Variants in ZNF706 observed in about 807,000 individuals in gnomAD.
ZNF706 encodes zinc finger protein 706.
Under a neutral mutation model 9.2 loss-of-function variants are expected in ZNF706, and 4 were observed. The ratio of observed to expected loss-of-function variants is 0.43; its 90% CI spans 0.21 to 0.99. ZNF706 has a LOEUF of 0.99. ZNF706 is among the 50% of genes least tolerant of loss of function. The pLI, the probability that ZNF706 is intolerant of heterozygous loss-of-function variation, is 0.26. For synonymous variants in ZNF706, 28 were observed against 27.3 expected, an observed-to-expected ratio of 1.03 and a Z score of -0.08; for missense variants, 27 against 87.8, an observed-to-expected ratio of 0.31 and a Z score of 2.77.
intron 1 of ZNF706, chr8:101,203,114 C>CT (rs575807698): frequency 2.0e-5 from 3 of 152,106 alleles, no homozygotes; most frequent in Non-Finnish European, 1.5e-5. Context: ...TTTTACAAAG[C>CT]TGAAAGATAC....
At chr8:101,199,384 A>C in intron 3 of ZNF706, 145 bp from the exon 4 acceptor site, 1 of 569,772 alleles carries the variant, frequency 1.8e-6, no homozygotes, top group Non-Finnish European at 3.1e-6. Flanking sequence ...ACTCTGAAGA[A>C]TTTATTTTAA....
At chr8:101,204,005 C>T (rs183091931) in intron 1 of ZNF706, 3 of 152,306 alleles carry the variant, frequency 2.0e-5, no homozygotes, top group Admixed American at 2.0e-4. Context: ...CAATGTCTTA[C>T]TATCAGGACC....
rs1235731898 is a variant in ZNF706, at chr8:101,198,124, A to G, written c.*1128T>C. On this transcript the variant is annotated 3_prime_UTR_variant, in exon 4 of 4. Coordinates refer to ENST00000311212, the MANE Select transcript of ZNF706 (RefSeq NM_016096.5). ...TTACCATATCCATCTGAACAAACCC[A>G]TTTTCCCATCCTGAGATCTAAAAGA... The G allele has an allele frequency of 1.3e-5, 2 of 152,170 alleles. No homozygotes were observed. The highest frequency in any genetic ancestry group is 2.9e-5 in the Non-Finnish European group (2 of 68,020). The allele number at this position is 152,170 out of a possible 1,614,324, so 9.4% of individuals were successfully genotyped here. A position where few individuals can be genotyped will look rare whatever the true frequency, so the allele number is the denominator to read the frequency against.
intron 1 of ZNF706, among the ~76,000 whole-genome samples, chr8:101,202,103 T>C (rs1394941707): frequency 2.6e-5 from 4 of 151,938 alleles, no homozygotes; most frequent in Non-Finnish European, 1.5e-5. Flanking sequence ...ACAACTTGTA[T>C]ACATATTTTT....
rs775889671 is a variant in ZNF706, at chr8:101,201,695, T to C, written c.47A>G (p.Lys16Arg). 10 of 1,614,008 alleles carry C rather than the reference T, an allele frequency of 6.2e-6. No individual in the cohort carries two copies. The highest frequency in any genetic ancestry group is 8.5e-6 in the Non-Finnish European group (10 of 1,180,020). ...TTTCTTCTTTTGTCCAGCTTGCTTT[T>C]TGGCATTTTTCTGCTGAGACTGAAT... ...QKIQSQQKNA[K>R]KQAGQKKKQG... is the part of the protein sequence containing the mutation. The change falls in exon 2 of 4, where the codon AAA (lysine) becomes AGA (arginine). Residue 16 changes from lysine to arginine, a missense_variant. Coordinates refer to ENST00000311212, the MANE Select transcript of ZNF706 (RefSeq NM_016096.5). The surrounding 1 kb of genome is among the most constrained non-coding windows in gnomAD (Gnocchi z 4.5).
In ZNF706 at chr8:101,197,897, G is replaced by A. The variant is rs563560937; in HGVS notation, c.*1355C>T. The A allele has an allele frequency of 3.9e-5, 6 of 152,194 alleles. No homozygotes were observed. Among genetic ancestry groups the A allele is most frequent in the African/African-American group, 7.2e-5 (3 of 41,450 alleles). 9.4% of individuals were successfully genotyped at this position (152,194 alleles called of 1,614,324 possible). The stretch of plus-strand genomic sequence containing the variant: ...GAGCTACAAAACAAAGCAATGATAA[G>A]CTACAGCAGAAGAGGGAATGCATTC... On this transcript the variant is annotated 3_prime_UTR_variant, in exon 4 of 4. Transcript: ENST00000311212.
chr8:101,198,629 C>G lies in ZNF706; in HGVS notation c.*623G>C, dbSNP rs1192607628. On this transcript the variant is annotated 3_prime_UTR_variant, in exon 4 of 4. Coordinates refer to ENST00000311212, the MANE Select transcript of ZNF706 (RefSeq NM_016096.5). ...ACCTGACTGGCAGTTAGAGCCAGGTCATACTGCAATTTTAAATATTCCAAC... is the reference window on the plus strand; with the variant it reads ...ACCTGACTGGCAGTTAGAGCCAGGTGATACTGCAATTTTAAATATTCCAAC... The G allele has an allele frequency of 6.6e-6, 1 of 152,184 alleles. No homozygotes were observed. The highest frequency in any genetic ancestry group is 1.5e-5 in the Non-Finnish European group (1 of 68,042). The allele number at this position is 152,184 out of a possible 1,614,324, so 9.4% of individuals were successfully genotyped here.
Position 101,205,041 on chromosome 8 carries a change from C to T in ZNF706, c.-3+394G>A. The T allele has an allele frequency of 1.4e-6, 1 of 700,970 alleles. No individual in the cohort carries two copies. The highest frequency in any genetic ancestry group is 1.8e-6 in the Non-Finnish European group (1 of 570,256). The allele number at this position is 700,970 out of a possible 1,614,324, so 43.4% of individuals were successfully genotyped here. On this transcript the variant is annotated intron_variant, in intron 1 of 3. Transcript: ENST00000311212. The surrounding 1 kb of genome is among the most constrained non-coding windows in gnomAD (Gnocchi z 6.6). ...CCTCTCCCGCCTCGGAGACCCCCTCCTCCTCCCTGCCACCAAAGGCCACGC... is the reference window on the plus strand; with the variant it reads ...CCTCTCCCGCCTCGGAGACCCCCTCTTCCTCCCTGCCACCAAAGGCCACGC...
chr8:101,201,656 T>C lies in ZNF706; in HGVS notation c.86A>G (p.Gln29Arg). 6.2e-7 allele frequency: 1 copy of C among 1,613,140 alleles called. No homozygotes were observed. The highest frequency in any genetic ancestry group is 8.5e-7 in the Non-Finnish European group (1 of 1,180,014). Residue 29 changes from glutamine (Q) to arginine (R), a missense_variant, in exon 2 of 4, where the codon CAA becomes CGA. By Grantham distance (43) the Gln-to-Arg change is conservative. Transcript: ENST00000311212. The surrounding 1 kb of genome is among the most constrained non-coding windows in gnomAD (Gnocchi z 4.5). ...AGQKKKQGHD[Q>R]KAAAKAALIY... ...TAAGGCAGCTTTGGCAGCAGCCTTTTGGTCATGTCCTTGTTTCTTCTTTTG... is the reference window on the plus strand; with the variant it reads ...TAAGGCAGCTTTGGCAGCAGCCTTTCGGTCATGTCCTTGTTTCTTCTTTTG...
chr8:101,199,280 G>A (rs1444823160), intron 3 of ZNF706, 41 bp from the exon 4 acceptor site: 1 of 699,070 alleles, frequency 1.4e-6, no homozygotes, highest in South Asian at 1.5e-5. Context: ...TGTTACCATT[G>A]CACAAATGCA....
rs1810427262 is a variant in ZNF706 at position 101,198,075 on chromosome 8, T to C, written c.*1177A>G. The C allele has an allele frequency of 6.6e-6, 1 of 152,218 alleles. No individual in the cohort carries two copies. Among genetic ancestry groups the C allele is most frequent in the Non-Finnish European group, 1.5e-5 (1 of 68,018 alleles). The allele number at this position is 152,218 out of a possible 1,614,324, so 9.4% of individuals were successfully genotyped here. Reference sequence around the variant, plus strand: ...AAGCAAATTAGAAGAACTCTAAAATTAGCCTTCCTTAATTGGGTAAGATTT... The same window carrying C: ...AAGCAAATTAGAAGAACTCTAAAATCAGCCTTCCTTAATTGGGTAAGATTT... On this transcript the variant is annotated 3_prime_UTR_variant, in exon 4 of 4. Coordinates refer to ENST00000311212, the MANE Select transcript of ZNF706 (RefSeq NM_016096.5).
At position 101,201,910 on chromosome 8, in the gene ZNF706, A is replaced by C. The variant is rs538624541; in HGVS notation, c.-2-167T>G. On this transcript the variant is annotated intron_variant, in intron 1 of 3. Coordinates refer to ENST00000311212, the MANE Select transcript of ZNF706 (RefSeq NM_016096.5). This position sits in a 1 kb window ranked among gnomAD's most constrained non-coding sequence, Gnocchi z 4.5. Reference sequence around the variant, plus strand: ...ACATATAAATGCTACAAAAGTATCAATTGACACAACCCTGTGGAAAACTAG... The same window carrying C: ...ACATATAAATGCTACAAAAGTATCACTTGACACAACCCTGTGGAAAACTAG... Among the ~76,000 whole-genome samples the C allele has an allele frequency of 6.6e-6, 1 of 152,324 alleles. No homozygotes were observed. The highest frequency in any genetic ancestry group is 1.9e-4 in the East Asian group (1 of 5,188).
rs1457356697 is a variant in ZNF706, at chr8:101,198,421, G to A, written c.*831C>T. On this transcript the variant is annotated 3_prime_UTR_variant, in exon 4 of 4. Transcript: ENST00000311212. ...TCAATTTCAAATTAAAGAACTTCAA[G>A]AATTTTCAAAGAATATAGTATCAAG... 1 of 152,092 alleles carries A rather than the reference G, an allele frequency of 6.6e-6. No homozygotes were observed. The highest frequency in any genetic ancestry group is 1.5e-5 in the Non-Finnish European group (1 of 67,992). 9.4% of individuals were successfully genotyped at this position (152,092 alleles called of 1,614,324 possible).
chr8:101,203,907 C>G (rs1186209341), intron 1 of ZNF706: 6 of 152,114 alleles, frequency 3.9e-5, no homozygotes, highest in Admixed American at 1.3e-4. Flanking sequence ...CCCATGGAAA[C>G]AGGTTTGGAT....
intron 1 of ZNF706, chr8:101,204,809 A>G (rs566099166): frequency 1.0e-6 from 1 of 985,460 alleles, no homozygotes; most frequent in Admixed American, 6.1e-5. Flanking sequence ...TGAGTAACAG[A>G]AGAAAAGGAT....
chr8:101,200,562 A>G (rs936924392), intron 2 of ZNF706, among the ~76,000 whole-genome samples: 1 of 152,192 alleles, frequency 6.6e-6, no homozygotes, highest in Non-Finnish European at 1.5e-5. Context: ...AGAACCTTCA[A>G]TTATTTATTC....
upstream of ZNF706, chr8:101,205,952 G>C (rs780455421): frequency 5.3e-5 from 8 of 152,280 alleles, no homozygotes; most frequent in Non-Finnish European, 1.2e-4. The surrounding 1 kb of genome is among the most constrained non-coding windows in gnomAD (Gnocchi z 6.6). Flanking sequence ...CGTGATCCCG[G>C]TCCTGGTTGG....
At chr8:101,200,928 T>C in intron 2 of ZNF706, 1 of 217,538 alleles carries the variant, frequency 4.6e-6, no homozygotes, top group Non-Finnish European at 9.9e-6. Context: ...CTGCCTGAGT[T>C]CAGATTCCAG....
rs1810454594 is a variant in ZNF706, at chr8:101,198,771, T to C, written c.*481A>G. 6.5e-6 allele frequency: 1 copy of C among 154,134 alleles called. No individual in the cohort carries two copies. The allele number at this position is 154,134 out of a possible 1,614,324, so 9.5% of individuals were successfully genotyped here. ...CTGCCCATAAAATCGTATGCACAAT[T>C]TTAATGAATCAGTCTGCTCTAGTTT... On this transcript the variant is annotated 3_prime_UTR_variant, in exon 4 of 4. Transcript: ENST00000311212.
Sources: allele counts gnomAD v4.1 joint callset (sites outside exome capture counted in the v4.1 genomes callset), GRCh38; gene constraint gnomAD v4.1.1; non-coding constraint Gnocchi (gnomAD v3.1); transcripts MANE v1.5; gene names NCBI Gene and HGNC (gene_info 2026-07-23, HGNC 2026-07-21).